GPATCH2: variants seen among roughly 807,000 people sequenced by gnomAD.
GPATCH2 encodes G patch domain-containing protein 2.
In GPATCH2, 51 loss-of-function variants were observed where a neutral mutation model predicts 58.0. That is an observed-to-expected ratio of 0.88 (90% confidence interval 0.70 to 1.11). The LOEUF is 1.11. Ranked by LOEUF, GPATCH2 falls within the 50% of genes most tolerant of loss-of-function variation. The pLI is 0.00. For missense variants in GPATCH2, 625 were observed against 652.2 expected, an observed-to-expected ratio of 0.96 and a Z score of 0.45; for synonymous variants, 222 against 218.5, an observed-to-expected ratio of 1.02 and a Z score of -0.14.
intron 1 of GPATCH2, among the ~76,000 whole-genome samples, chr1:217,623,826 C>G (rs914260488): frequency 2.0e-5 from 3 of 151,974 alleles, no homozygotes; most frequent in African/African-American, 7.2e-5. Flanking sequence ...CACTTGAACC[C>G]AGGAGGCGGA....
chr1:217,545,429 G>A (rs1360555572), intron 5 of GPATCH2, among the ~76,000 whole-genome samples: 1 of 152,066 alleles, frequency 6.6e-6, no homozygotes, highest in East Asian at 1.9e-4. Context: ...AGGGTATTTG[G>A]GCAGCACCTA....
rs377636046 is a variant in GPATCH2 at position 217,449,316 on chromosome 1, T to C, written c.1299A>G (p.Gly433=). The C allele has an allele frequency of 5.6e-6, 9 of 1,601,690 alleles. No individual in the cohort carries two copies. The African/African-American group carries it at 1.2e-4, about 21-fold the overall frequency. The change falls in exon 9 of 10, where the codon GGA becomes GGG. Residue 433 remains glycine, a synonymous_variant. Transcript: ENST00000366935. ...TASRQTSMHL[G]SLCTGDIKRR... is the part of the protein sequence containing the mutation. ...GTTTGATATCTCCCGTGCATAAGGA[T>C]CCTAAATGCATGCTTGTTTGCCTAC...
chr1:217,493,827 TTAA>T (rs914105629), intron 7 of GPATCH2, among the ~76,000 whole-genome samples: 2 of 152,246 alleles, frequency 1.3e-5, no homozygotes, highest in African/African-American at 2.4e-5. Flanking sequence ...CTACATTAAA[TTAA>T]TAATAATAGT....
chr1:217,561,082 GACAAACAA>G (rs369368476), intron 5 of GPATCH2, among the ~76,000 whole-genome samples: 133 of 152,168 alleles, frequency 8.7e-4, no homozygotes, highest in African/African-American at 3.1e-3. Context: ...AAAACAAACA[GACAAACAA>G]ACAGACAAAA....
chr1:217,472,357 A>G (rs370843074), intron 8 of GPATCH2, among the ~76,000 whole-genome samples: 120 of 138,134 alleles, frequency 8.7e-4, no homozygotes, highest in African/African-American at 3.3e-3. Context: ...GCTGGAGTGC[A>G]GTGGCCTGAT....
chr1:217,529,486 G>C (rs1664081751), intron 5 of GPATCH2, among the ~76,000 whole-genome samples: 1 of 152,092 alleles, frequency 6.6e-6, no homozygotes, highest in Non-Finnish European at 1.5e-5. Context: ...CATCGCTCAG[G>C]TTTTTCTCTT....
At chr1:217,563,696 T>C (rs982876442) in intron 5 of GPATCH2, among the ~76,000 whole-genome samples, 3 of 152,198 alleles carry the variant, frequency 2.0e-5, no homozygotes, top group African/African-American at 7.2e-5. Context: ...CAAATATTGC[T>C]ATCTCTAACT....
intron 5 of GPATCH2, among the ~76,000 whole-genome samples, chr1:217,566,489 C>G (rs1338127772): frequency 6.6e-6 from 1 of 152,098 alleles, no homozygotes; most frequent in Non-Finnish European, 1.5e-5. Flanking sequence ...ATGACAGGCA[C>G]AGCATTATTA....
chr1:217,478,141 C>G (rs1661050259), intron 8 of GPATCH2, among the ~76,000 whole-genome samples: 1 of 152,098 alleles, frequency 6.6e-6, no homozygotes, highest in Non-Finnish European at 1.5e-5. Flanking sequence ...TTACAATATC[C>G]AAGTCCCTTT....
Position 217,431,347 on chromosome 1 carries a change from G to A in GPATCH2, c.1385C>T (p.Ala462Val). The A allele has an allele frequency of 6.3e-7, 1 of 1,588,796 alleles. No individual in the cohort carries two copies. Among genetic ancestry groups the A allele is most frequent in the African/African-American group, 1.3e-5 (1 of 74,584 alleles). The change falls in exon 10 of 10, where the codon GCC (alanine) becomes GTC (valine). Residue 462 changes from alanine (A) to valine (V), a missense_variant. Coordinates refer to ENST00000366935, the MANE Select transcript of GPATCH2 (RefSeq NM_018040.5). Reference protein sequence around the residue: ...PTTAGFVGENAQPILENNIGN... With the variant: ...PTTAGFVGENVQPILENNIGN... The stretch of plus-strand genomic sequence containing the variant: ...AATATTATTTTCTAGGATTGGCTGG[G>A]CATTTTCACCTACAAATCCTGAAAT...
intron 5 of GPATCH2, chr1:217,608,215 T>G (rs1368362595): frequency 2.2e-6 from 2 of 902,802 alleles, no homozygotes; most frequent in Non-Finnish European, 2.6e-6. Flanking sequence ...GAGATTTTAT[T>G]GAAAAAAAAA....
At chr1:217,603,039 A>G (rs1006747985) in intron 5 of GPATCH2, among the ~76,000 whole-genome samples, 8 of 152,154 alleles carry the variant, frequency 5.3e-5, no homozygotes, top group African/African-American at 1.9e-4. Context: ...AATGTATATT[A>G]TAGATATGTT....
intron 6 of GPATCH2, among the ~76,000 whole-genome samples, chr1:217,504,296 G>C (rs367588988): frequency 4.6e-5 from 7 of 152,122 alleles, no homozygotes; most frequent in Non-Finnish European, 1.0e-4. Context: ...GGCGAATGGC[G>C]TCCTCCTTTG....
intron 5 of GPATCH2, among the ~76,000 whole-genome samples, chr1:217,583,956 A>C (rs1667199132): frequency 6.6e-6 from 1 of 152,112 alleles, no homozygotes; most frequent in Non-Finnish European, 1.5e-5. Flanking sequence ...AAACAAAGCT[A>C]GTTTCAGATT....
chr1:217,446,942 G>A (rs1659417945), intron 9 of GPATCH2, among the ~76,000 whole-genome samples: 1 of 152,154 alleles, frequency 6.6e-6, no homozygotes, highest in Non-Finnish European at 1.5e-5. Flanking sequence ...GGAGTGTTAG[G>A]ACGTGACCCC....
intron 8 of GPATCH2, among the ~76,000 whole-genome samples, chr1:217,487,000 G>A (rs1192080214): frequency 1.3e-5 from 2 of 152,142 alleles, no homozygotes; most frequent in African/African-American, 4.8e-5. Flanking sequence ...TCTTTGTGTG[G>A]GGCAGGCAGC....
At chr1:217,596,677 A>T (rs1240102076) in intron 5 of GPATCH2, among the ~76,000 whole-genome samples, 1 of 152,156 alleles carries the variant, frequency 6.6e-6, no homozygotes. Context: ...TTATACTGCC[A>T]AACGAATGAA....
intron 5 of GPATCH2, among the ~76,000 whole-genome samples, chr1:217,573,709 T>A (rs1666672960): frequency 6.6e-6 from 1 of 152,214 alleles, no homozygotes; most frequent in African/African-American, 2.4e-5. Context: ...AGTGTCATTT[T>A]CTTATTAGGA....
intron 8 of GPATCH2, among the ~76,000 whole-genome samples, chr1:217,465,760 G>T (rs1242352416): frequency 1.3e-5 from 2 of 152,128 alleles, no homozygotes; most frequent in Admixed American, 1.3e-4. Context: ...GTCATTATCA[G>T]AAGCATGAAA....
Sources: allele counts gnomAD v4.1 joint callset (sites outside exome capture counted in the v4.1 genomes callset), GRCh38; gene constraint gnomAD v4.1.1; transcripts MANE v1.5; gene names NCBI Gene and HGNC (gene_info 2026-07-23, HGNC 2026-07-21).